Variants in CFAP91 observed in about 807,000 individuals in gnomAD.
CFAP91 encodes the protein cilia and flagella associated protein 91, also known as cilia- and flagella-associated protein 91.
A neutral mutation model predicts 95.9 loss-of-function variants in CFAP91; 85 were observed. The observed-to-expected ratio is 0.89, with a 90% CI of 0.74 to 1.06. The LOEUF (loss-of-function observed/expected upper bound fraction) is 1.06. Ranked by LOEUF, CFAP91 falls within the 50% of genes least tolerant of loss-of-function variation. The pLI, the probability that CFAP91 is intolerant of heterozygous loss-of-function variation, is 0.00. For synonymous variants in CFAP91, 335 were observed against 327.5 expected, an observed-to-expected ratio of 1.02 and a Z score of -0.25; for missense variants, 962 against 943.4, an observed-to-expected ratio of 1.02 and a Z score of -0.26.
At chr3:119,747,322 AT>A in intron 15 of CFAP91, 59 bp downstream of exon 15, 2 of 1,541,846 alleles carry the variant, frequency 1.3e-6, no homozygotes, top group Non-Finnish European at 1.7e-6. Context: ...ACTCATATAT[AT>A]TTTTTCAAGA....
chr3:119,732,777 GC>G (rs2053927479), intron 9 of CFAP91, among the ~76,000 whole-genome samples: 1 of 152,154 alleles, frequency 6.6e-6, no homozygotes, highest in Admixed American at 6.6e-5. Flanking sequence ...GGTTTATGAA[GC>G]CAACAAGAAA....
chr3:119,741,291 C>CCAGTGACTA (rs1238334486), intron 13 of CFAP91, among the ~76,000 whole-genome samples: 4 of 152,074 alleles, frequency 2.6e-5, no homozygotes, highest in Admixed American at 6.5e-5. Flanking sequence ...CCCCAAATAT[C>CCAGTGACTA]CAGTGACTAT....
At chr3:119,742,777 G>A (rs1008954743) in intron 13 of CFAP91, among the ~76,000 whole-genome samples, 2 of 152,116 alleles carry the variant, frequency 1.3e-5, no homozygotes, top group African/African-American at 4.8e-5. Context: ...AAGATGGGTG[G>A]TGTTGGGGCC....
intron 7 of CFAP91, among the ~76,000 whole-genome samples, chr3:119,729,520 T>C (rs2053852852): frequency 6.6e-6 from 1 of 151,888 alleles, no homozygotes; most frequent in Non-Finnish European, 1.5e-5. Flanking sequence ...GGTGGGTGCC[T>C]GTAGTCCCAG....
Position 119,739,327 on chromosome 3 carries a change from G to A in CFAP91, c.1533+1G>A. 1 of 1,613,942 alleles carries A rather than the reference G, an allele frequency of 6.2e-7. No individual in the cohort carries two copies. Among genetic ancestry groups the A allele is most frequent in the Non-Finnish European group, 8.5e-7 (1 of 1,179,792 alleles). The stretch of plus-strand genomic sequence containing the variant: ...CCGGGGCAGAGTCGTTCAGAACATG[G>A]TGTGTAGGTCCAACCGCTGGCCCTG... On this transcript the variant is annotated splice_donor_variant, in intron 12 of 17. Transcript: ENST00000273390. LOFTEE classifies it high-confidence loss of function.
intron 11 of CFAP91, among the ~76,000 whole-genome samples, chr3:119,737,849 G>C (rs1184652206): frequency 6.6e-6 from 1 of 152,238 alleles, no homozygotes; most frequent in Non-Finnish European, 1.5e-5. Context: ...GAAGAGGAAT[G>C]AAATGCCAGA....
At chr3:119,758,762 G>A (rs572910613) in intron 17 of CFAP91, among the ~76,000 whole-genome samples, 71 of 152,066 alleles carry the variant, frequency 4.7e-4, no homozygotes, top group Admixed American at 2.2e-3. Context: ...AGATGAGATA[G>A]GGATGAGATG....
chr3:119,712,056 C>G (rs572088176), intron 5 of CFAP91, among the ~76,000 whole-genome samples: 38 of 152,178 alleles, frequency 2.5e-4, no homozygotes, highest in Non-Finnish European at 4.7e-4. Context: ...AAAGCCAGAG[C>G]AGGTGAGCCT....
intron 16 of CFAP91, among the ~76,000 whole-genome samples, chr3:119,749,839 A>G (rs568477392): frequency 1.1e-4 from 17 of 152,366 alleles, no homozygotes; most frequent in South Asian, 2.1e-4. Flanking sequence ...CCAATGGATC[A>G]GAAAGACCTT....
chr3:119,747,780 G>A, intron 15 of CFAP91, 31 bp from the exon 16 acceptor site: 1 of 1,584,722 alleles, frequency 6.3e-7, no homozygotes, highest in Non-Finnish European at 8.6e-7. Flanking sequence ...AAAAACCAAA[G>A]AAATAATTCA....
chr3:119,751,616 TATAAG>T (rs1234491684), intron 17 of CFAP91, among the ~76,000 whole-genome samples: 1 of 152,078 alleles, frequency 6.6e-6, no homozygotes, highest in Non-Finnish European at 1.5e-5. Flanking sequence ...CTTAGAAAAA[TATAAG>T]ACAGGAAACA....
At chr3:119,739,380 A>G (rs1368207615) in intron 12 of CFAP91, 54 bp downstream of exon 12, 35 of 1,510,430 alleles carry the variant, frequency 2.3e-5, no homozygotes, top group Non-Finnish European at 3.1e-5. Flanking sequence ...TAAATTTTTT[A>G]GAATGCATAT....
At chr3:119,756,111 A>G (rs887755852) in intron 17 of CFAP91, among the ~76,000 whole-genome samples, 7 of 152,134 alleles carry the variant, frequency 4.6e-5, no homozygotes, top group Admixed American at 2.6e-4. Flanking sequence ...CAGAATAAAT[A>G]AAAAGAAAAC....
chr3:119,743,380 A>C (rs2054158747), intron 13 of CFAP91, among the ~76,000 whole-genome samples: 1 of 152,094 alleles, frequency 6.6e-6, no homozygotes. Flanking sequence ...AGCCTCCCAA[A>C]GTGCTGGGAT....
intron 1 of CFAP91, among the ~76,000 whole-genome samples, chr3:119,705,284 G>A (rs1323833264): frequency 6.6e-6 from 1 of 152,174 alleles, no homozygotes; most frequent in African/African-American, 2.4e-5. Context: ...ACTGGCCTTG[G>A]GCCAGGTTTC....
At chr3:119,726,850 G>A (rs1277437149) in intron 7 of CFAP91, among the ~76,000 whole-genome samples, 1 of 135,068 alleles carries the variant, frequency 7.4e-6, no homozygotes, top group Non-Finnish European at 1.5e-5. Flanking sequence ...TGGGTTCACA[G>A]TCAGGATGCC....
intron 6 of CFAP91, among the ~76,000 whole-genome samples, chr3:119,724,859 C>T (rs970219014): frequency 6.6e-6 from 1 of 152,164 alleles, no homozygotes; most frequent in Non-Finnish European, 1.5e-5. Flanking sequence ...ATTCTTCTGC[C>T]TCAGCCTCCC....
rs1173351018 is a variant in CFAP91, at chr3:119,703,101, GAGCCACGC to G, written c.6_13del (p.His3AsnfsTer33). ...GGCGGGAGGAAAGAGGCGGCACCAT[GAGCCACGC>G]AGTAACCATCGAGGAGCCCCAGGCC... On this transcript the variant is annotated frameshift_variant, in exon 1 of 18. Transcript: ENST00000273390. LOFTEE classifies it high-confidence loss of function. The G allele has an allele frequency of 1.3e-6, 2 of 1,554,910 alleles. No homozygotes were observed. The highest frequency in any genetic ancestry group is 4.8e-5 in the East Asian group (2 of 41,392).
chr3:119,711,483 G>A (rs1297689295), intron 5 of CFAP91, among the ~76,000 whole-genome samples: 1 of 152,162 alleles, frequency 6.6e-6, no homozygotes, highest in Non-Finnish European at 1.5e-5. Context: ...GGAGTTCAGA[G>A]GCCTGCAGTG....
Sources: gnomAD v4.1 joint callset for allele counts (sites outside exome capture counted in the v4.1 genomes callset) on GRCh38, gnomAD v4.1.1 for gene constraint, MANE v1.5 for transcripts, NCBI Gene and HGNC (gene_info 2026-07-23, HGNC 2026-07-21) for gene names.